Variants in EDIL3 observed in about 807,000 individuals in gnomAD.
The protein encoded by EDIL3 is EGF like and discoidin domains 3.
EDIL3 carries 37 observed loss-of-function variants against 67.4 expected under a neutral mutation model. That is an observed-to-expected ratio of 0.55 (90% CI 0.42 to 0.72). The LOEUF (loss-of-function observed/expected upper bound fraction) is 0.72, where lower values mean the gene tolerates loss of function less well. EDIL3 is among the 30% of genes least tolerant of loss of function. EDIL3 has a pLI of 0.00. For synonymous variants in EDIL3, 195 were observed against 196.3 expected, an observed-to-expected ratio of 0.99 and a Z score of 0.05; for missense variants, 527 against 586.3, an observed-to-expected ratio of 0.90 and a Z score of 1.04.
At chr5:83,993,106 A>G (rs933672756) in intron 9 of EDIL3, among the ~76,000 whole-genome samples, 1 of 152,200 alleles carries the variant, frequency 6.6e-6, no homozygotes, top group Admixed American at 6.6e-5. Flanking sequence ...AGGAAGGAAT[A>G]AAAGAGCCTA....
At chr5:84,147,709 T>C (rs1330089736) in intron 4 of EDIL3, among the ~76,000 whole-genome samples, 3 of 151,900 alleles carry the variant, frequency 2.0e-5, no homozygotes, top group Non-Finnish European at 4.4e-5. Context: ...ACATTTTTTT[T>C]CTTCAATGAC....
chr5:84,267,831 C>T (rs1383262343), intron 1 of EDIL3, among the ~76,000 whole-genome samples: 1 of 152,154 alleles, frequency 6.6e-6, no homozygotes, highest in Non-Finnish European at 1.5e-5. Context: ...TGAGGTTGCA[C>T]ATCTCAGTAA....
chr5:84,262,578 T>A (rs1464053239), intron 1 of EDIL3, among the ~76,000 whole-genome samples: 1 of 150,106 alleles, frequency 6.7e-6, no homozygotes, highest in Non-Finnish European at 1.5e-5. Context: ...TACAAACATG[T>A]AATCCTTACA....
chr5:84,262,670 T>TTTTTTG, intron 1 of EDIL3, among the ~76,000 whole-genome samples: 1 of 110,586 alleles, frequency 9.0e-6, no homozygotes, highest in Non-Finnish European at 1.8e-5. Context: ...TTTTTTTTTT[T>TTTTTTG]TTTTTTTTTT....
In EDIL3 at chr5:84,079,181, C is replaced by G. The variant is rs140752725; in HGVS notation, c.652-12575G>C. On this transcript the variant is annotated intron_variant, in intron 6 of 10. Transcript: ENST00000296591. ...GCAAGGAAGTTCCTCTTCTCTTCTC[C>G]CATATCTCACCCTATGCTTCTCATC... Among the ~76,000 whole-genome samples, 573 of 152,148 alleles carry G rather than the reference C, an allele frequency of 3.8e-3. 2 individuals carry two copies. The highest frequency in any genetic ancestry group is 0.013 in the African/African-American group (546 of 41,506).
intron 9 of EDIL3, among the ~76,000 whole-genome samples, chr5:83,978,821 T>A (rs1744917041): frequency 6.6e-6 from 1 of 151,974 alleles, no homozygotes; most frequent in African/African-American, 2.4e-5. Flanking sequence ...CCAAATTAAA[T>A]CCCCATAGGC....
intron 1 of EDIL3, among the ~76,000 whole-genome samples, chr5:84,295,640 T>C (rs1393718708): frequency 6.6e-6 from 1 of 152,096 alleles, no homozygotes; most frequent in Non-Finnish European, 1.5e-5. Context: ...TATATAATAT[T>C]AATTTAAACA....
At chr5:84,105,496 T>C (rs899272582) in intron 6 of EDIL3, among the ~76,000 whole-genome samples, 9 of 152,080 alleles carry the variant, frequency 5.9e-5, no homozygotes, top group African/African-American at 2.2e-4. Context: ...TTATACCAAA[T>C]GCCTGTAAAC....
intron 3 of EDIL3, among the ~76,000 whole-genome samples, chr5:84,203,342 T>C (rs2112380313): frequency 6.6e-6 from 1 of 152,310 alleles, no homozygotes; most frequent in Non-Finnish European, 1.5e-5. Flanking sequence ...TAAGTATCAT[T>C]AGGAATACTT....
At chr5:84,367,639 T>C (rs1251991174) in intron 1 of EDIL3, among the ~76,000 whole-genome samples, 2 of 152,026 alleles carry the variant, frequency 1.3e-5, no homozygotes, top group Non-Finnish European at 2.9e-5. Context: ...AAAAATTAGC[T>C]GGGCATGGTG....
chr5:83,958,292 G>T (rs991365256), intron 10 of EDIL3, among the ~76,000 whole-genome samples: 1 of 151,458 alleles, frequency 6.6e-6, no homozygotes, highest in Admixed American at 6.6e-5. Context: ...CTGAAGCAGG[G>T]CCCAGAAATA....
At chr5:84,179,389 G>A (rs1305070490) in intron 4 of EDIL3, among the ~76,000 whole-genome samples, 1 of 152,116 alleles carries the variant, frequency 6.6e-6, no homozygotes, top group Non-Finnish European at 1.5e-5. Flanking sequence ...GATGCCCGTT[G>A]TACAAAGCAC....
chr5:84,008,833 A>G (rs1580277070), intron 9 of EDIL3, among the ~76,000 whole-genome samples: 2 of 151,988 alleles, frequency 1.3e-5, no homozygotes, highest in South Asian at 4.2e-4. Context: ...TGTGGGGGGA[A>G]ACAGGGTCTC....
At chr5:84,150,904 A>C (rs1748377841) in intron 4 of EDIL3, among the ~76,000 whole-genome samples, 1 of 152,136 alleles carries the variant, frequency 6.6e-6, no homozygotes, top group African/African-American at 2.4e-5. Context: ...TGCTGAGTGA[A>C]ATAAATCAGG....
Position 84,101,640 on chromosome 5 carries a change from T to C in EDIL3, c.651+5009A>G, listed in dbSNP as rs1224856486. Among the ~76,000 whole-genome samples, 3 of 151,390 alleles carry C rather than the reference T, an allele frequency of 2.0e-5. No individual in the cohort carries two copies. In the East Asian group the frequency reaches 5.8e-4, roughly 29 times the overall value. On this transcript the variant is annotated intron_variant, in intron 6 of 10. Coordinates refer to ENST00000296591, the MANE Select transcript of EDIL3 (RefSeq NM_005711.5). The stretch of plus-strand genomic sequence containing the variant: ...TGAGTCAGGATGAAATTCAAATGAG[T>C]AGACAAATAAGAATCTCTGAAATTG...
intron 1 of EDIL3, among the ~76,000 whole-genome samples, chr5:84,375,191 C>T (rs1398581519): frequency 2.0e-5 from 3 of 152,004 alleles, no homozygotes; most frequent in Admixed American, 1.3e-4. Flanking sequence ...AGGATGGTCT[C>T]GATCTCTTGA....
intron 9 of EDIL3, among the ~76,000 whole-genome samples, chr5:84,021,698 A>G (rs1338302027): frequency 6.6e-6 from 1 of 152,034 alleles, no homozygotes; most frequent in African/African-American, 2.4e-5. Context: ...ATGTTCTGTA[A>G]AGGTTTGTTA....
At chr5:84,367,743 A>G (rs1302567903) in intron 1 of EDIL3, among the ~76,000 whole-genome samples, 1 of 152,188 alleles carries the variant, frequency 6.6e-6, no homozygotes, top group African/African-American at 2.4e-5. Context: ...AGATGGCTCC[A>G]GTGCACTCCA....
At chr5:84,357,746 G>A (rs576762909) in intron 1 of EDIL3, among the ~76,000 whole-genome samples, 69 of 152,116 alleles carry the variant, frequency 4.5e-4, no homozygotes, top group Non-Finnish European at 8.8e-4. Flanking sequence ...AAATTAACCA[G>A]GCTTGGTAGC....
Sources: gnomAD v4.1 joint callset for allele counts (sites outside exome capture counted in the v4.1 genomes callset) on GRCh38, gnomAD v4.1.1 for gene constraint, MANE v1.5 for transcripts, NCBI Gene and HGNC (gene_info 2026-07-23, HGNC 2026-07-21) for gene names.